The following SORCS3 variants were observed in gnomAD, a reference collection of about 807,000 sequenced individuals.
SORCS3 encodes sortilin related VPS10 domain containing receptor 3.
In SORCS3, 57 loss-of-function variants were observed where a neutral mutation model predicts 146.3. The ratio of observed to expected loss-of-function variants is 0.39; its 90% CI spans 0.31 to 0.49. The LOEUF (loss-of-function observed/expected upper bound fraction) is 0.49, where lower values mean the gene tolerates loss of function less well. Ranked by LOEUF, SORCS3 falls within the 20% of genes least tolerant of loss-of-function variation. SORCS3 has a pLI of 0.92. For synonymous variants in SORCS3, 653 were observed against 618.5 expected (o/e 1.06, Z -0.83); for missense variants, 1,341 against 1,575.5 (o/e 0.85, Z 2.52).
At chr10:104,732,731 A>G (rs1483704308) in intron 1 of SORCS3, among the ~76,000 whole-genome samples, 3 of 152,144 alleles carry the variant, frequency 2.0e-5, no homozygotes, top group African/African-American at 4.8e-5. Context: ...AAAAATCACC[A>G]TGCTAACAGG....
intron 14 of SORCS3, among the ~76,000 whole-genome samples, chr10:105,188,380 C>T (rs117717026): frequency 6.6e-6 from 1 of 152,084 alleles, no homozygotes; most frequent in African/African-American, 2.4e-5. Context: ...GGAGGGGCTG[C>T]ATTTGAGTTT....
intron 1 of SORCS3, among the ~76,000 whole-genome samples, chr10:104,725,951 C>T (rs184093454): frequency 2.0e-5 from 3 of 152,358 alleles, no homozygotes; most frequent in East Asian, 3.9e-4. Flanking sequence ...CGCCCTGCTT[C>T]GGCTTATGCT....
intron 2 of SORCS3, among the ~76,000 whole-genome samples, chr10:104,861,727 C>A (rs143023607): frequency 6.6e-6 from 1 of 152,266 alleles, no homozygotes; most frequent in African/African-American, 2.4e-5. Context: ...TCAGGGAGGA[C>A]GTTCCCAGGG....
At chr10:104,727,141 G>A (rs1461514742) in intron 1 of SORCS3, among the ~76,000 whole-genome samples, 1 of 152,166 alleles carries the variant, frequency 6.6e-6, no homozygotes, top group East Asian at 1.9e-4. Flanking sequence ...CAAGCACCTA[G>A]CACAGGACTT....
intron 13 of SORCS3, among the ~76,000 whole-genome samples, chr10:105,177,166 TA>T (rs1486754296): frequency 2.0e-5 from 3 of 152,098 alleles, no homozygotes; most frequent in Non-Finnish European, 4.4e-5. Context: ...AAGGCCTGGG[TA>T]TTATAGGAAC....
chr10:104,687,700 G>C (rs1166270097), intron 1 of SORCS3, among the ~76,000 whole-genome samples: 2 of 152,080 alleles, frequency 1.3e-5, no homozygotes, highest in African/African-American at 4.8e-5. Context: ...GGTATGTCTG[G>C]ATCCACTGCC....
intron 13 of SORCS3, among the ~76,000 whole-genome samples, chr10:105,176,257 A>G (rs1261932483): frequency 6.6e-6 from 1 of 152,136 alleles, no homozygotes; most frequent in Non-Finnish European, 1.5e-5. Flanking sequence ...AAATACTCCC[A>G]GGTTAGGCTG....
At chr10:104,979,842 A>G (rs1589577138) in intron 4 of SORCS3, among the ~76,000 whole-genome samples, 3 of 152,314 alleles carry the variant, frequency 2.0e-5, no homozygotes, top group Non-Finnish European at 4.4e-5. Flanking sequence ...TTGAAACAGT[A>G]TTGAAAAAAG....
intron 14 of SORCS3, among the ~76,000 whole-genome samples, chr10:105,197,095 G>T (rs1440240393): frequency 6.6e-6 from 1 of 152,024 alleles, no homozygotes; most frequent in Non-Finnish European, 1.5e-5. Flanking sequence ...ACTTGTCATT[G>T]GATTTAGAGC....
At chr10:104,910,721 A>G (rs920586543) in intron 2 of SORCS3, among the ~76,000 whole-genome samples, 2 of 152,244 alleles carry the variant, frequency 1.3e-5, no homozygotes, top group African/African-American at 4.8e-5. Context: ...TGCTGGAAAT[A>G]ATAAGAAAAA....
intron 2 of SORCS3, among the ~76,000 whole-genome samples, chr10:104,914,902 G>A (rs1261948521): frequency 2.6e-5 from 4 of 152,060 alleles, no homozygotes; most frequent in Non-Finnish European, 5.9e-5. Flanking sequence ...TCTAAAGCTT[G>A]AGTTGGAGAA....
intron 1 of SORCS3, among the ~76,000 whole-genome samples, chr10:104,643,576 T>C (rs1445935654): frequency 6.6e-6 from 1 of 152,040 alleles, no homozygotes; most frequent in African/African-American, 2.4e-5. Context: ...CAGGGCTGGG[T>C]GATTGAAGAC....
chr10:104,868,262 A>C (rs1456732304), intron 2 of SORCS3, among the ~76,000 whole-genome samples: 1 of 152,202 alleles, frequency 6.6e-6, no homozygotes, highest in African/African-American at 2.4e-5. Context: ...TAAATTAAAA[A>C]CACATCAACA....
At chr10:104,662,240 A>G (rs1373211691) in intron 1 of SORCS3, among the ~76,000 whole-genome samples, 2 of 152,216 alleles carry the variant, frequency 1.3e-5, no homozygotes, top group Non-Finnish European at 2.9e-5. Flanking sequence ...GGGAGAAGGT[A>G]AAGACATCAG....
chr10:104,906,910 G>C (rs967349488), intron 2 of SORCS3, among the ~76,000 whole-genome samples: 11 of 152,030 alleles, frequency 7.2e-5, no homozygotes, highest in Admixed American at 6.5e-4. Context: ...GCCCACCCCG[G>C]TTCCCTACCC....
rs2017525093 is a variant in SORCS3, at chr10:104,794,151, A to G, written c.628-48641A>G. On this transcript the variant is annotated intron_variant, in intron 1 of 26. Transcript: ENST00000369701. ...TTTCTAAGATCTCCCCAACAGGGTC[A>G]TTCATCTTTGAATTTCTGGAGCAGT... is the stretch of plus-strand genomic sequence containing the variant. 3.9e-5 allele frequency among the ~76,000 whole-genome samples: 6 copies of G among 152,294 alleles called. No homozygotes were observed. In the South Asian group the frequency reaches 1.2e-3, roughly 32 times the overall value.
chr10:104,674,322 C>T (rs1430185299), intron 1 of SORCS3, among the ~76,000 whole-genome samples: 1 of 152,232 alleles, frequency 6.6e-6, no homozygotes, highest in African/African-American at 2.4e-5. Flanking sequence ...GGACTGGACT[C>T]AGTAACTTGC....
At chr10:105,014,084 C>CACACATATATATACATATATATAT (rs1257074512) in intron 4 of SORCS3, among the ~76,000 whole-genome samples, 23 of 130,928 alleles carry the variant, frequency 1.8e-4, no homozygotes, top group Non-Finnish European at 2.3e-4. Context: ...TATATATATA[C>CACACATATATATACATATATATAT]ACACATATAT....
intron 1 of SORCS3, among the ~76,000 whole-genome samples, chr10:104,794,975 A>G (rs2133503251): frequency 6.6e-6 from 1 of 152,310 alleles, no homozygotes; most frequent in South Asian, 2.1e-4. Context: ...TGGTCTCTTT[A>G]GCATTCTATT....
Sources: allele counts gnomAD v4.1 joint callset (sites outside exome capture counted in the v4.1 genomes callset), GRCh38; gene constraint gnomAD v4.1.1; transcripts MANE v1.5; gene names NCBI Gene and HGNC (gene_info 2026-07-23, HGNC 2026-07-21).